The following SNX29 variants were observed in gnomAD, a reference collection of about 807,000 sequenced individuals.
SNX29 encodes sorting nexin-29.
In SNX29, 78 loss-of-function variants were observed where a neutral mutation model predicts 102.1. That is an observed-to-expected ratio of 0.76 (90% confidence interval 0.64 to 0.92). SNX29 has a LOEUF of 0.92. Ranked by LOEUF, SNX29 falls within the 40% of genes least tolerant of loss-of-function variation. The pLI is 0.00. For synonymous variants in SNX29, 580 were observed against 414.5 expected (o/e 1.40, Z -4.85); for missense variants, 1,280 against 1,061.7 (o/e 1.21, Z -2.86).
intron 15 of SNX29, among the ~76,000 whole-genome samples, chr16:12,295,233 G>A (rs373932004): frequency 7.9e-5 from 12 of 152,038 alleles, no homozygotes; most frequent in East Asian, 3.9e-4. Context: ...ACTTCTACTC[G>A]TCCCAGGGTT....
intron 14 of SNX29, among the ~76,000 whole-genome samples, chr16:12,233,641 A>G (rs2077836968): frequency 6.6e-6 from 1 of 152,260 alleles, no homozygotes; most frequent in Admixed American, 6.5e-5. Context: ...TTCACATGCC[A>G]TACAATTCAT....
chr16:12,556,547 A>T (rs1388864510), intron 20 of SNX29: 3 of 152,342 alleles, frequency 2.0e-5, no homozygotes, highest in Non-Finnish European at 4.4e-5. Flanking sequence ...CAGCTGTGGG[A>T]AACATTTGCA....
chr16:12,396,430 G>T (rs2083724453), intron 16 of SNX29, among the ~76,000 whole-genome samples: 1 of 152,176 alleles, frequency 6.6e-6, no homozygotes, highest in Non-Finnish European at 1.5e-5. Flanking sequence ...GCGATTGTGT[G>T]TAGCAGTGGA....
chr16:12,183,462 C>T (rs186265382), intron 13 of SNX29, among the ~76,000 whole-genome samples: 7 of 151,872 alleles, frequency 4.6e-5, no homozygotes, highest in Non-Finnish European at 7.4e-5. Context: ...AATGAATAAA[C>T]ACAAACATAC....
intron 20 of SNX29, among the ~76,000 whole-genome samples, chr16:12,561,400 A>G (rs1362590927): frequency 6.6e-6 from 1 of 152,162 alleles, no homozygotes; most frequent in African/African-American, 2.4e-5. Flanking sequence ...TCCCCGCCAC[A>G]CACACAGATC....
intron 13 of SNX29, among the ~76,000 whole-genome samples, chr16:12,143,216 C>G (rs981583934): frequency 6.6e-6 from 1 of 151,920 alleles, no homozygotes; most frequent in Non-Finnish European, 1.5e-5. Flanking sequence ...AGGCTGGTCT[C>G]GAACTCCCGA....
intron 7 of SNX29, among the ~76,000 whole-genome samples, chr16:12,050,746 C>G (rs1465502568): frequency 1.2e-4 from 19 of 152,110 alleles, no homozygotes. Flanking sequence ...GAGTCTCGCT[C>G]TGTCACCCAG....
chr16:12,548,877 G>T (rs183740871), intron 20 of SNX29, among the ~76,000 whole-genome samples: 2 of 151,710 alleles, frequency 1.3e-5, no homozygotes, highest in Admixed American at 6.6e-5. Flanking sequence ...CCCTTGGCCT[G>T]AACCCTACAC....
chr16:12,411,269 G>A (rs563177910), intron 18 of SNX29, among the ~76,000 whole-genome samples: 30 of 152,290 alleles, frequency 2.0e-4, no homozygotes, highest in African/African-American at 7.0e-4. Context: ...TGTTTGATTT[G>A]TGAGTTTCAT....
chr16:12,537,686 G>A (rs2077137806), intron 20 of SNX29, among the ~76,000 whole-genome samples: 1 of 152,092 alleles, frequency 6.6e-6, no homozygotes, highest in African/African-American at 2.4e-5. Context: ...AAACATTGGA[G>A]CATCTGAAAC....
intron 3 of SNX29, among the ~76,000 whole-genome samples, chr16:12,004,653 C>T (rs1411958925): frequency 6.6e-6 from 1 of 152,146 alleles, no homozygotes; most frequent in Non-Finnish European, 1.5e-5. Context: ...CCTAGCCCAC[C>T]CTCCTGTGTC....
rs368457017 is a variant in SNX29, at chr16:12,568,603, G to A, written c.2416G>A (p.Val806Met). ...GGGTCAGCCCCGGGAGACCCGCAAC[G>A]TGGAGCCCCAGAGCGGTGACCTCTG... ...SRGQPRETRNVEPQSGDL is the reference protein window; with the variant it reads ...SRGQPRETRNMEPQSGDL The change falls in exon 21 of 21, where the codon GTG (valine) becomes ATG (methionine). Residue 806 changes from valine to methionine, a missense_variant. By Grantham distance (21) the Val-to-Met change is conservative. Coordinates refer to ENST00000566228, the MANE Select transcript of SNX29 (RefSeq NM_032167.5). 1.9e-5 allele frequency: 30 copies of A among 1,605,238 alleles called. No homozygotes were observed. The highest frequency in any genetic ancestry group is 7.7e-5 in the South Asian group (7 of 91,080).
intron 11 of SNX29, among the ~76,000 whole-genome samples, chr16:12,090,532 C>A: frequency 6.6e-6 from 1 of 152,146 alleles, no homozygotes; most frequent in East Asian, 1.9e-4. Flanking sequence ...TTTGGTAGCT[C>A]CCCAAGGGTT....
intron 20 of SNX29, among the ~76,000 whole-genome samples, chr16:12,526,235 A>C (rs953588243): frequency 6.6e-6 from 1 of 152,120 alleles, no homozygotes; most frequent in African/African-American, 2.4e-5. Flanking sequence ...GCTGGGTTCA[A>C]AACAGAGGGT....
chr16:12,552,258 C>A (rs1361701164), intron 20 of SNX29, among the ~76,000 whole-genome samples: 1 of 152,114 alleles, frequency 6.6e-6, no homozygotes, highest in Non-Finnish European at 1.5e-5. Flanking sequence ...CTCCTAGGGG[C>A]TCGTAAGCCC....
In SNX29 at chr16:12,337,709, AG is replaced by A. The variant is rs1800199169; in HGVS notation, c.1783-18451del. ...CATTTGCCCCAGATTTTATGGACGAAGGGAAGGATTGTCATTCAGTGACGGT... is the reference window on the plus strand; with the variant it reads ...CATTTGCCCCAGATTTTATGGACGAAGGAAGGATTGTCATTCAGTGACGGT... On this transcript the variant is annotated intron_variant, in intron 15 of 20. Coordinates refer to ENST00000566228, the MANE Select transcript of SNX29 (RefSeq NM_032167.5). 5.3e-5 allele frequency among the ~76,000 whole-genome samples: 8 copies of A among 152,322 alleles called. No homozygotes were observed. The South Asian group carries it at 1.7e-3, about 32-fold the overall frequency.
chr16:12,403,219 TG>T (rs2084022830), intron 17 of SNX29, among the ~76,000 whole-genome samples: 1 of 147,186 alleles, frequency 6.8e-6, no homozygotes, highest in East Asian at 2.0e-4. Context: ...TGTGTGTGTG[TG>T]TGTGTGTGTG....
rs543061094 is a variant in SNX29 at position 12,493,922 on chromosome 16, G to T, written c.2178+16063G>T. On this transcript the variant is annotated intron_variant, in intron 19 of 20. Transcript: ENST00000566228. ...TTTGTTTTTGATTCACATTTTCCCA[G>T]TTACCGATAAGACTGATGATCTGCT... Among the ~76,000 whole-genome samples, 6 of 152,258 alleles carry T rather than the reference G, an allele frequency of 3.9e-5. No homozygotes were observed. The South Asian group carries it at 1.2e-3, about 32-fold the overall frequency.
intron 13 of SNX29, among the ~76,000 whole-genome samples, chr16:12,158,996 A>T (rs2055670299): frequency 6.6e-6 from 1 of 152,234 alleles, no homozygotes; most frequent in Non-Finnish European, 1.5e-5. Context: ...GATTTGTAAC[A>T]CACCTGCCTG....
Sources: gnomAD v4.1 joint callset for allele counts (sites outside exome capture counted in the v4.1 genomes callset) on GRCh38, gnomAD v4.1.1 for gene constraint, MANE v1.5 for transcripts, NCBI Gene and HGNC (gene_info 2026-07-23, HGNC 2026-07-21) for gene names.